Variants in TESK2 observed in about 807,000 individuals in gnomAD.
The protein encoded by TESK2 is testis associated actin remodelling kinase 2.
In TESK2, 39 loss-of-function variants were observed where a neutral mutation model predicts 57.1. The observed-to-expected ratio is 0.68, with a 90% CI of 0.53 to 0.89. The LOEUF (loss-of-function observed/expected upper bound fraction) is 0.89. TESK2 is among the 40% of genes least tolerant of loss of function. The probability of loss-of-function intolerance (pLI) is 0.00; values close to 1 mark genes in which losing one functional copy is unlikely to be tolerated. For missense variants in TESK2, 646 were observed against 732.1 expected (o/e 0.88, Z 1.36); for synonymous variants, 249 against 267.9 (o/e 0.93, Z 0.69).
At chr1:45,382,593 G>A (rs535448031) in intron 4 of TESK2, among the ~76,000 whole-genome samples, 1 of 152,176 alleles carries the variant, frequency 6.6e-6, no homozygotes, top group East Asian at 1.9e-4. Flanking sequence ...TCAGCTGGCC[G>A]GGCGCGGTGG....
At chr1:45,445,543 T>C (rs796168337) in intron 2 of TESK2, among the ~76,000 whole-genome samples, 3 of 150,700 alleles carry the variant, frequency 2.0e-5, no homozygotes, top group South Asian at 4.2e-4. Flanking sequence ...TCCCAACACT[T>C]TGGGAGGCTG....
chr1:45,439,316 T>C (rs984421796), intron 2 of TESK2, among the ~76,000 whole-genome samples: 3 of 152,222 alleles, frequency 2.0e-5, no homozygotes, highest in Non-Finnish European at 4.4e-5. Context: ...CTAGCTCTTT[T>C]AGTTTCTACA....
intron 5 of TESK2, among the ~76,000 whole-genome samples, chr1:45,349,435 G>A (rs183278569): frequency 5.9e-5 from 9 of 152,274 alleles, no homozygotes; most frequent in Non-Finnish European, 1.2e-4. Context: ...ATGGGCCCTA[G>A]GCCAGCCTGC....
At chr1:45,430,128 T>C (rs971883095) in intron 2 of TESK2, among the ~76,000 whole-genome samples, 2 of 152,154 alleles carry the variant, frequency 1.3e-5, no homozygotes, top group African/African-American at 4.8e-5. Flanking sequence ...AGGAGACTGC[T>C]GAAGACCCTG....
At chr1:45,403,610 T>A (rs1447061268) in intron 3 of TESK2, among the ~76,000 whole-genome samples, 1 of 152,160 alleles carries the variant, frequency 6.6e-6, no homozygotes, top group Non-Finnish European at 1.5e-5. Flanking sequence ...ATCATGTCAA[T>A]AGCACTACAC....
chr1:45,402,763 T>C (rs989969273), intron 3 of TESK2, among the ~76,000 whole-genome samples: 1 of 151,980 alleles, frequency 6.6e-6, no homozygotes, highest in Admixed American at 6.6e-5. Context: ...ATTACAGGCA[T>C]GAGCCAATGC....
intron 3 of TESK2, chr1:45,415,475 A>G: frequency 1.8e-6 from 1 of 571,286 alleles, no homozygotes; most frequent in Non-Finnish European, 3.1e-6. Context: ...TTTGGGTTCC[A>G]TGTTTTCCTT....
intron 1 of TESK2, among the ~76,000 whole-genome samples, chr1:45,471,993 T>C (rs1291503136): frequency 1.3e-5 from 2 of 152,066 alleles, no homozygotes; most frequent in Non-Finnish European, 2.9e-5. Context: ...GGCTCACGCC[T>C]GTAATCCCAG....
chr1:45,353,562 G>T lies in TESK2; in HGVS notation c.540+1741C>A, dbSNP rs116043184. On this transcript the variant is annotated intron_variant, in intron 5 of 10. Transcript: ENST00000372086. The stretch of plus-strand genomic sequence containing the variant: ...CTTCCCCTCCCCTTCATCTGGGGCA[G>T]AAGGAGTAGGAGTATGTGCATGCAT... Among the ~76,000 whole-genome samples the T allele has an allele frequency of 4.4e-3, 677 of 152,310 alleles. 3 individuals are homozygous for T. Among genetic ancestry groups the T allele is most frequent in the African/African-American group, 0.016 (651 of 41,564 alleles).
chr1:45,466,673 A>G (rs1171576886), intron 1 of TESK2, among the ~76,000 whole-genome samples: 1 of 148,416 alleles, frequency 6.7e-6, no homozygotes, highest in Admixed American at 6.8e-5. Context: ...AATAATATAT[A>G]TTATATATTA....
At chr1:45,396,805 G>GTTTTTTTTT (rs55739766) in intron 3 of TESK2, among the ~76,000 whole-genome samples, 3 of 73,576 alleles carry the variant, frequency 4.1e-5, no homozygotes, top group East Asian at 4.8e-4. Flanking sequence ...CAGCTAAGTT[G>GTTTTTTTTT]TTTTTTTTTT....
chr1:45,353,210 A>G (rs933350953), intron 5 of TESK2, among the ~76,000 whole-genome samples: 1 of 152,050 alleles, frequency 6.6e-6, no homozygotes, highest in African/African-American at 2.4e-5. Context: ...CACTTTTCTT[A>G]GTCTTGGTTT....
chr1:45,484,034 C>G (rs568181265), intron 1 of TESK2, among the ~76,000 whole-genome samples: 1 of 150,428 alleles, frequency 6.6e-6, no homozygotes, highest in Admixed American at 6.6e-5. Context: ...GATTTTCTAC[C>G]GCACAGGGGT....
chr1:45,427,277 T>C (rs1439845092), intron 2 of TESK2, among the ~76,000 whole-genome samples: 1 of 150,184 alleles, frequency 6.7e-6, no homozygotes, highest in African/African-American at 2.5e-5. Context: ...TGCAAAGATG[T>C]AGAGAAAGGG....
chr1:45,414,971 AG>A (rs1407423975), intron 3 of TESK2: 16 of 613,412 alleles, frequency 2.6e-5, no homozygotes, highest in Non-Finnish European at 4.6e-5. Flanking sequence ...AAAAAAAGAT[AG>A]GTGCTTTGTG....
At chr1:45,484,572 C>T (rs1417709167) in intron 1 of TESK2, among the ~76,000 whole-genome samples, 1 of 150,302 alleles carries the variant, frequency 6.7e-6, no homozygotes, top group African/African-American at 2.5e-5. Flanking sequence ...CACGTGTCTA[C>T]TAAAAATTAA....
chr1:45,346,793 T>G lies in TESK2; in HGVS notation c.793-14A>C. ...CAGCCCGAAATTCTGTGGATGGGTA[T>G]GGAAAGCATAGGTAGACAGTTCATT... On this transcript the variant is annotated splice_polypyrimidine_tract_variant and intron_variant, in intron 8 of 10. Coordinates refer to ENST00000372086, the MANE Select transcript of TESK2 (RefSeq NM_007170.3). 2 of 1,611,980 alleles carry G rather than the reference T, an allele frequency of 1.2e-6. No individual in the cohort carries two copies. Among genetic ancestry groups the G allele is most frequent in the South Asian group, 2.2e-5 (2 of 90,942 alleles).
chr1:45,369,441 C>T (rs1036343187), intron 4 of TESK2, among the ~76,000 whole-genome samples: 7 of 151,742 alleles, frequency 4.6e-5, no homozygotes, highest in South Asian at 2.1e-4. Context: ...TGCAGTTAGC[C>T]GAGATTGCAC....
intron 1 of TESK2, among the ~76,000 whole-genome samples, chr1:45,466,120 T>C (rs1043485960): frequency 5.3e-5 from 8 of 152,118 alleles, no homozygotes; most frequent in East Asian, 1.9e-4. Flanking sequence ...AGGAGGTGGA[T>C]AGCTTGAGCC....
Sources: gnomAD v4.1 joint callset for allele counts (sites outside exome capture counted in the v4.1 genomes callset) on GRCh38, gnomAD v4.1.1 for gene constraint, MANE v1.5 for transcripts, NCBI Gene and HGNC (gene_info 2026-07-23, HGNC 2026-07-21) for gene names.